Variants in CCDC186 observed in about 807,000 individuals in gnomAD.
CCDC186 encodes the protein coiled-coil domain-containing protein 186.
Under a neutral mutation model 113.7 loss-of-function variants are expected in CCDC186, and 49 were observed. The ratio of observed to expected loss-of-function variants is 0.43; its 90% CI spans 0.34 to 0.55. The LOEUF is 0.55. Among genes scored for constraint, CCDC186 ranks in the 20% least tolerant of loss-of-function variants. The pLI is 0.02. For missense variants in CCDC186, 890 were observed against 1,011.1 expected, an observed-to-expected ratio of 0.88 and a Z score of 1.62; for synonymous variants, 355 against 345.8, an observed-to-expected ratio of 1.03 and a Z score of -0.30.
intron 3 of CCDC186, among the ~76,000 whole-genome samples, chr10:114,154,228 G>A (rs796356234): frequency 0.084 from 11,101 of 132,604 alleles, 510 homozygotes; most frequent in Middle Eastern, 0.14. Context: ...AAAAAAAAAA[G>A]AAAAGAAAAA....
intron 1 of CCDC186, among the ~76,000 whole-genome samples, chr10:114,164,591 T>C (rs1044554257): frequency 5.6e-4 from 85 of 152,138 alleles, no homozygotes; most frequent in African/African-American, 2.0e-3. Context: ...ATGTACAAGG[T>C]AATGAGTTAC....
At chr10:114,164,063 A>AGAGT (rs1554930645) in intron 1 of CCDC186, among the ~76,000 whole-genome samples, 2 of 93,486 alleles carry the variant, frequency 2.1e-5, no homozygotes, top group Non-Finnish European at 4.1e-5. Flanking sequence ...TGACCAAGTT[A>AGAGT]GAGTGTGTGT....
chr10:114,141,641 ACACG>A (rs995787647), intron 6 of CCDC186, among the ~76,000 whole-genome samples: 7 of 151,878 alleles, frequency 4.6e-5, no homozygotes, highest in Admixed American at 1.3e-4. Flanking sequence ...ACACACACAC[ACACG>A]CACGCACACA....
chr10:114,128,967 G>A lies in CCDC186; in HGVS notation c.2182+924C>T, dbSNP rs1029617061. On this transcript the variant is annotated intron_variant, in intron 13 of 15. Transcript: ENST00000369287. ...AACGTAAATTTCAATTTTAAAAAAC[G>A]GAAGAGGAAGCTGTTGCACAGAATA... Among the ~76,000 whole-genome samples the A allele has an allele frequency of 1.1e-4, 16 of 152,162 alleles. No homozygotes were observed. In the East Asian group the frequency reaches 1.7e-3, roughly 17 times the overall value.
intron 1 of CCDC186, among the ~76,000 whole-genome samples, chr10:114,165,135 AAGAC>A (rs2032298348): frequency 6.6e-6 from 1 of 152,234 alleles, no homozygotes; most frequent in Non-Finnish European, 1.5e-5. Context: ...GGCATCAACT[AAGAC>A]AGCCATTGGC....
At chr10:114,153,786 C>CAA (rs35593370) in intron 3 of CCDC186, among the ~76,000 whole-genome samples, 4 of 61,304 alleles carry the variant, frequency 6.5e-5, no homozygotes, top group Admixed American at 1.8e-4. Context: ...AATGACGTCT[C>CAA]AAAAAAAAAA....
intron 1 of CCDC186, among the ~76,000 whole-genome samples, chr10:114,166,788 A>T (rs1015264572): frequency 6.6e-6 from 1 of 152,210 alleles, no homozygotes; most frequent in Non-Finnish European, 1.5e-5. Flanking sequence ...GACAGTATAG[A>T]ACAACAAAAA....
intron 1 of CCDC186, chr10:114,173,130 C>T (rs1386619678): frequency 2.4e-6 from 1 of 424,312 alleles, no homozygotes. Flanking sequence ...GCAGAGAAAA[C>T]GGCCAAGTAC....
chr10:114,163,572 T>G (rs930595788), intron 1 of CCDC186, among the ~76,000 whole-genome samples: 2 of 152,192 alleles, frequency 1.3e-5, no homozygotes, highest in African/African-American at 4.8e-5. Context: ...ACAACTTCAT[T>G]AATTAATTTC....
chr10:114,141,131 G>A (rs867095294), intron 6 of CCDC186, among the ~76,000 whole-genome samples: 4 of 152,100 alleles, frequency 2.6e-5, no homozygotes, highest in South Asian at 2.1e-4. Context: ...CTGACCTCAA[G>A]CAATCCTCCC....
chr10:114,147,121 C>A (rs1387957675), intron 4 of CCDC186, among the ~76,000 whole-genome samples: 1 of 152,134 alleles, frequency 6.6e-6, no homozygotes, highest in Non-Finnish European at 1.5e-5. Flanking sequence ...GATTTTTAGA[C>A]AACTGAATAT....
intron 3 of CCDC186, among the ~76,000 whole-genome samples, chr10:114,155,952 G>A (rs2119817120): frequency 6.6e-6 from 1 of 151,946 alleles, no homozygotes; most frequent in South Asian, 2.1e-4. Flanking sequence ...AATAAAGAAG[G>A]AAAAGCTTTT....
At chr10:114,133,919 G>C (rs2031172652) in intron 10 of CCDC186, among the ~76,000 whole-genome samples, 1 of 152,154 alleles carries the variant, frequency 6.6e-6, no homozygotes, top group Admixed American at 6.5e-5. Context: ...ATTTTTAAAA[G>C]ACAATTATGT....
At chr10:114,148,848 G>C (rs898016075) in intron 4 of CCDC186, among the ~76,000 whole-genome samples, 9 of 152,144 alleles carry the variant, frequency 5.9e-5, no homozygotes, top group African/African-American at 2.2e-4. Context: ...CTATCTATCT[G>C]GTCTATGAAA....
intron 2 of CCDC186, among the ~76,000 whole-genome samples, chr10:114,159,693 G>A (rs922774161): frequency 6.6e-6 from 1 of 150,724 alleles, no homozygotes; most frequent in African/African-American, 2.4e-5. Flanking sequence ...AGTGGTGCAT[G>A]CCTGTAATCC....
chr10:114,170,392 T>C (rs2032457631), intron 1 of CCDC186, among the ~76,000 whole-genome samples: 1 of 152,048 alleles, frequency 6.6e-6, no homozygotes, highest in Non-Finnish European at 1.5e-5. Context: ...CAGTCAGAGG[T>C]CACTTGCAGC....
At position 114,131,846 on chromosome 10, in the gene CCDC186, A is replaced by T. The variant is rs2031097870; in HGVS notation, c.1911+83T>A. ...CAGTGTCCAGGAAAGAACTTAATTC[A>T]ACTACTATTACTTTTATACTGTTAG... On this transcript the variant is annotated intron_variant, in intron 11 of 15. Transcript: ENST00000369287. 4 of 1,227,982 alleles carry T rather than the reference A, an allele frequency of 3.3e-6. No homozygotes were observed. The African/African-American group carries it at 6.2e-5, about 19-fold the overall frequency. The allele number at this position is 1,227,982 out of a possible 1,614,324, so 76.1% of individuals were successfully genotyped here.
chr10:114,167,467 A>G (rs1301632806), intron 1 of CCDC186, among the ~76,000 whole-genome samples: 5 of 152,160 alleles, frequency 3.3e-5, no homozygotes, highest in Admixed American at 3.3e-4. Context: ...TAACCAGAAG[A>G]AAAACAGTAA....
chr10:114,150,549 T>C (rs1192548559), intron 4 of CCDC186, among the ~76,000 whole-genome samples: 1 of 152,156 alleles, frequency 6.6e-6, no homozygotes, highest in African/African-American at 2.4e-5. Flanking sequence ...AAAAGGATTG[T>C]AGGCAGGGGA....
Sources: gnomAD v4.1 joint callset for allele counts (sites outside exome capture counted in the v4.1 genomes callset) on GRCh38, gnomAD v4.1.1 for gene constraint, MANE v1.5 for transcripts, NCBI Gene and HGNC (gene_info 2026-07-23, HGNC 2026-07-21) for gene names.